Variants in STK31 observed in about 807,000 individuals in gnomAD.
STK31 encodes the protein serine/threonine kinase 31.
A neutral mutation model predicts 129.7 loss-of-function variants in STK31; 89 were observed. The ratio of observed to expected loss-of-function variants is 0.69; its 90% CI spans 0.58 to 0.82. The LOEUF (loss-of-function observed/expected upper bound fraction) is 0.82. Ranked by LOEUF, STK31 falls within the 40% of genes least tolerant of loss-of-function variation. The probability of loss-of-function intolerance (pLI) is 0.00; values close to 1 mark genes in which losing one functional copy is unlikely to be tolerated. For missense variants in STK31, 1,187 were observed against 1,176.4 expected (o/e 1.01, Z -0.13); for synonymous variants, 448 against 395.3 (o/e 1.13, Z -1.58).
intron 6 of STK31, among the ~76,000 whole-genome samples, chr7:23,731,515 A>G (rs1467079364): frequency 2.0e-5 from 3 of 152,232 alleles, no homozygotes; most frequent in Non-Finnish European, 4.4e-5. Flanking sequence ...GGTAGGTGTT[A>G]GATGAGCATT....
intron 8 of STK31, among the ~76,000 whole-genome samples, chr7:23,744,143 C>G (rs771752939): frequency 6.6e-6 from 1 of 151,738 alleles, no homozygotes; most frequent in African/African-American, 2.4e-5. Context: ...CTCTTCTCAA[C>G]CCCTGAGCTC....
At chr7:23,801,661 T>C (rs1358998360) in intron 22 of STK31, among the ~76,000 whole-genome samples, 1 of 152,170 alleles carries the variant, frequency 6.6e-6, no homozygotes, top group African/African-American at 2.4e-5. Flanking sequence ...TTCTAAAAGC[T>C]CTATAGTTGT....
intron 20 of STK31, among the ~76,000 whole-genome samples, chr7:23,787,266 G>C (rs117937002): frequency 1.3e-5 from 2 of 152,276 alleles, no homozygotes; most frequent in East Asian, 3.9e-4. Flanking sequence ...TTAAGTGGCA[G>C]CTTTAATTTT....
At chr7:23,767,458 T>A (rs2193828) in intron 11 of STK31, among the ~76,000 whole-genome samples, 85,632 of 151,988 alleles carry the variant, frequency 0.56, 24,414 homozygotes, top group East Asian at 0.62. Context: ...TGTTGCCATC[T>A]GGGATTATCT....
chr7:23,805,396 G>C (rs2128122621), intron 22 of STK31, among the ~76,000 whole-genome samples: 1 of 152,210 alleles, frequency 6.6e-6, no homozygotes, highest in Non-Finnish European at 1.5e-5. Context: ...TTTTTAAAAA[G>C]TTTTATTTCT....
intron 15 of STK31, among the ~76,000 whole-genome samples, chr7:23,773,464 C>T (rs1171927793): frequency 1.3e-5 from 2 of 152,194 alleles, no homozygotes; most frequent in East Asian, 1.9e-4. Context: ...TGGGTTGGTT[C>T]GAAGTCTTTG....
In STK31 at chr7:23,732,302, A is replaced by C. The variant is rs182000144; in HGVS notation, c.483+3053A>C. Among the ~76,000 whole-genome samples, 253 of 152,330 alleles carry C rather than the reference A, an allele frequency of 1.7e-3. 1 individual carries two copies. The highest frequency in any genetic ancestry group is 3.0e-3 in the Non-Finnish European group (205 of 68,016). ...TAAAAGTTAAGTTTTATACCTTTTA[A>C]ATGCCTAAATATATTTTTTAAGTGC... On this transcript the variant is annotated intron_variant, in intron 6 of 23. Coordinates refer to ENST00000355870, the MANE Select transcript of STK31 (RefSeq NM_031414.5).
intron 8 of STK31, among the ~76,000 whole-genome samples, chr7:23,746,910 AC>A (rs1378605278): frequency 2.6e-5 from 4 of 152,006 alleles, no homozygotes. Context: ...AATAAATTAA[AC>A]TTTTTACTTT....
intron 23 of STK31, among the ~76,000 whole-genome samples, chr7:23,827,558 G>T (rs1355403861): frequency 6.6e-6 from 1 of 151,920 alleles, no homozygotes; most frequent in Admixed American, 6.6e-5. Flanking sequence ...CCTTTAGCTT[G>T]GAGTAGTTTG....
intron 23 of STK31, among the ~76,000 whole-genome samples, chr7:23,826,377 T>C (rs943950238): frequency 4.6e-5 from 7 of 152,164 alleles, no homozygotes; most frequent in Non-Finnish European, 1.0e-4. Flanking sequence ...TCTTTTGATC[T>C]TTGTTGGTTT....
intron 10 of STK31, among the ~76,000 whole-genome samples, chr7:23,760,690 C>T (rs1789410822): frequency 6.6e-6 from 1 of 152,070 alleles, no homozygotes; most frequent in Non-Finnish European, 1.5e-5. Context: ...GGTATGGTCT[C>T]ACTCTGTCAC....
intron 22 of STK31, among the ~76,000 whole-genome samples, chr7:23,795,130 C>T (rs1791875183): frequency 6.6e-6 from 1 of 152,206 alleles, no homozygotes; most frequent in African/African-American, 2.4e-5. Flanking sequence ...CGCAGCAGCC[C>T]TTCCCATCAC....
intron 10 of STK31, among the ~76,000 whole-genome samples, chr7:23,760,257 A>G (rs967134270): frequency 1.3e-5 from 2 of 151,858 alleles, no homozygotes; most frequent in East Asian, 1.9e-4. Flanking sequence ...TCCATCTTAA[A>G]TATTTGTGGT....
At chr7:23,824,944 A>T (rs1252683512) in intron 23 of STK31, among the ~76,000 whole-genome samples, 2 of 152,132 alleles carry the variant, frequency 1.3e-5, no homozygotes, top group Non-Finnish European at 2.9e-5. Flanking sequence ...CCCAGGGATG[A>T]AGCCCACTTG....
chr7:23,814,176 G>T (rs1793331697), intron 22 of STK31, among the ~76,000 whole-genome samples: 1 of 38,422 alleles, frequency 2.6e-5, no homozygotes, highest in Non-Finnish European at 5.5e-5. Context: ...AGTTGGGAGG[G>T]TTATAAGACA....
At chr7:23,774,670 G>T (rs113737833) in intron 15 of STK31, among the ~76,000 whole-genome samples, 1 of 152,142 alleles carries the variant, frequency 6.6e-6, no homozygotes, top group Non-Finnish European at 1.5e-5. Flanking sequence ...GTAGATTCTG[G>T]ATATTAAACC....
At chr7:23,756,943 G>T (rs1314762663) in intron 10 of STK31, among the ~76,000 whole-genome samples, 2 of 152,090 alleles carry the variant, frequency 1.3e-5, no homozygotes, top group Non-Finnish European at 2.9e-5. Flanking sequence ...ATATTGGCCT[G>T]AAGTTTTCTT....
intron 14 of STK31, 106 bp downstream of exon 14, chr7:23,771,230 T>C (rs79780544): frequency 0.032 from 32,611 of 1,013,436 alleles, 891 homozygotes; most frequent in Middle Eastern, 0.04. Context: ...TAAATTGTTA[T>C]TACTAGAATT....
intron 22 of STK31, among the ~76,000 whole-genome samples, chr7:23,799,270 C>A (rs1326518953): frequency 6.6e-6 from 1 of 151,662 alleles, no homozygotes; most frequent in Non-Finnish European, 1.5e-5. Context: ...AACCAAAAAG[C>A]CCGTATAGCC....
Sources: allele counts gnomAD v4.1 joint callset (sites outside exome capture counted in the v4.1 genomes callset), GRCh38; gene constraint gnomAD v4.1.1; transcripts MANE v1.5; gene names NCBI Gene and HGNC (gene_info 2026-07-23, HGNC 2026-07-21).